The following SOX6 variants were observed in gnomAD, a reference collection of about 807,000 sequenced individuals.
The protein encoded by SOX6 is transcription factor SOX-6.
SOX6 carries 11 observed loss-of-function variants against 97.8 expected under a neutral mutation model. The ratio of observed to expected loss-of-function variants is 0.11; its 90% CI spans 0.07 to 0.19. The LOEUF is 0.19. Ranked by LOEUF, SOX6 falls within the 10% of genes least tolerant of loss-of-function variation. SOX6 has a pLI of 1.00. For missense variants in SOX6, 810 were observed against 1,039.5 expected (o/e 0.78, Z 3.04); for synonymous variants, 360 against 371.4 (o/e 0.97, Z 0.35).
At chr11:16,212,416 A>G (rs1482745874) in intron 4 of SOX6, among the ~76,000 whole-genome samples, 1 of 152,114 alleles carries the variant, frequency 6.6e-6, no homozygotes, top group Non-Finnish European at 1.5e-5. Context: ...GTTTATATAA[A>G]TTTTATCATA....
At chr11:16,404,478 G>A (rs551045459) in intron 1 of SOX6, among the ~76,000 whole-genome samples, 1 of 151,848 alleles carries the variant, frequency 6.6e-6, no homozygotes, top group South Asian at 2.1e-4. Context: ...AACCAATTAA[G>A]CACCTAAATT....
At chr11:16,205,789 A>G (rs77407245) in intron 4 of SOX6, among the ~76,000 whole-genome samples, 1,607 of 152,246 alleles carry the variant, frequency 0.011, 25 homozygotes, top group African/African-American at 0.037. Flanking sequence ...TACAGAGTGG[A>G]AGGTTTCTGG....
intron 4 of SOX6, among the ~76,000 whole-genome samples, chr11:16,609,247 C>T (rs1008945323): frequency 6.6e-6 from 1 of 152,160 alleles, no homozygotes; most frequent in African/African-American, 2.4e-5. Context: ...GGTTGGCCTG[C>T]CTTAACCCAG....
chr11:16,112,051 C>T, intron 6 of SOX6, 128 bp from the exon 7 acceptor site: 1 of 1,174,914 alleles, frequency 8.5e-7, no homozygotes, highest in Admixed American at 2.0e-5. Flanking sequence ...TCCAAATCTG[C>T]AATCTGAGAA....
chr11:16,183,709 G>A (rs1206966868), intron 6 of SOX6, among the ~76,000 whole-genome samples, 177 bp downstream of exon 6: 3 of 151,954 alleles, frequency 2.0e-5, no homozygotes, highest in Admixed American at 1.3e-4. Flanking sequence ...ATAATGCTTA[G>A]GCCACCATCT....
chr11:16,413,772 C>T (rs1858871614), intron 1 of SOX6, among the ~76,000 whole-genome samples: 1 of 151,946 alleles, frequency 6.6e-6, no homozygotes, highest in Middle Eastern at 3.4e-3. Context: ...CCGCCCACCT[C>T]AGCCTCCAAA....
chr11:16,646,701 T>A (rs1421073717), intron 3 of SOX6, among the ~76,000 whole-genome samples: 4 of 152,188 alleles, frequency 2.6e-5, no homozygotes, highest in Non-Finnish European at 5.9e-5. Context: ...AGCTCCCACT[T>A]ATGAATGAGA....
chr11:16,458,039 C>G (rs1859845474), intron 1 of SOX6, among the ~76,000 whole-genome samples: 1 of 151,956 alleles, frequency 6.6e-6, no homozygotes, highest in Non-Finnish European at 1.5e-5. Context: ...GTTATATATA[C>G]TACACACCTC....
chr11:16,079,755 A>G (rs1486231148), intron 9 of SOX6, among the ~76,000 whole-genome samples: 1 of 152,254 alleles, frequency 6.6e-6, no homozygotes, highest in East Asian at 1.9e-4. Context: ...CAACTTTACT[A>G]ACCATCACTT....
chr11:16,132,012 G>A (rs1021748823), intron 6 of SOX6, among the ~76,000 whole-genome samples: 5 of 151,502 alleles, frequency 3.3e-5, no homozygotes, highest in African/African-American at 1.2e-4. Flanking sequence ...TAAAATGGAT[G>A]AATTATTGTG....
intron 4 of SOX6, among the ~76,000 whole-genome samples, chr11:16,555,779 G>A (rs560523269): frequency 7.3e-4 from 111 of 151,622 alleles, no homozygotes; most frequent in African/African-American, 2.6e-3. Flanking sequence ...AAGCAGAAGT[G>A]CCTTCCACCA....
At chr11:16,446,168 G>A (rs1327335385) in intron 1 of SOX6, among the ~76,000 whole-genome samples, 1 of 151,910 alleles carries the variant, frequency 6.6e-6, no homozygotes, top group African/African-American at 2.4e-5. Flanking sequence ...AGATTACAAT[G>A]GAGATTATTA....
chr11:16,276,635 A>G (rs1854409180), intron 3 of SOX6, among the ~76,000 whole-genome samples: 1 of 152,214 alleles, frequency 6.6e-6, no homozygotes, highest in South Asian at 2.1e-4. Flanking sequence ...CCATCTTATA[A>G]TGATAAAGGG....
intron 3 of SOX6, among the ~76,000 whole-genome samples, chr11:16,290,004 C>CA (rs1854864263): frequency 6.6e-6 from 1 of 151,890 alleles, no homozygotes; most frequent in Non-Finnish European, 1.5e-5. Flanking sequence ...ATTAATAAAG[C>CA]AAAAAATCTG....
At chr11:16,382,568 A>G (rs1857856444) in intron 1 of SOX6, among the ~76,000 whole-genome samples, 1 of 152,050 alleles carries the variant, frequency 6.6e-6, no homozygotes, top group Non-Finnish European at 1.5e-5. Context: ...CAGCTGTTGA[A>G]AAGAACTGCA....
chr11:16,135,322 AT>A (rs928377556), intron 6 of SOX6, among the ~76,000 whole-genome samples: 1 of 152,164 alleles, frequency 6.6e-6, no homozygotes, highest in African/African-American at 2.4e-5. Flanking sequence ...CTTTCATAAC[AT>A]TACTTCAGAA....
intron 4 of SOX6, among the ~76,000 whole-genome samples, chr11:16,560,178 C>A (rs938609926): frequency 6.6e-6 from 1 of 152,136 alleles, no homozygotes; most frequent in African/African-American, 2.4e-5. Flanking sequence ...ATGGTGGATG[C>A]ACACAAGGAA....
chr11:16,635,524 T>G (rs943047666), intron 3 of SOX6, among the ~76,000 whole-genome samples: 8 of 152,020 alleles, frequency 5.3e-5, no homozygotes, highest in African/African-American at 1.9e-4. Flanking sequence ...AGCATTAAAG[T>G]GTGGAAAATA....
chr11:16,701,332 T>C (rs900597430), intron 3 of SOX6, among the ~76,000 whole-genome samples: 2 of 152,208 alleles, frequency 1.3e-5, no homozygotes, highest in Non-Finnish European at 2.9e-5. Flanking sequence ...GGAACATTTA[T>C]TCTTATCTTA....
Sources: gnomAD v4.1 joint callset for allele counts (sites outside exome capture counted in the v4.1 genomes callset) on GRCh38, gnomAD v4.1.1 for gene constraint, MANE v1.5 for transcripts, NCBI Gene and HGNC (gene_info 2026-07-23, HGNC 2026-07-21) for gene names.